Variants in ABCA4 observed in about 807,000 individuals in gnomAD.
ABCA4 encodes the protein retinal-specific phospholipid-transporting ATPase ABCA4.
A neutral mutation model predicts 263.7 loss-of-function variants in ABCA4; 196 were observed. The ratio of observed to expected loss-of-function variants is 0.74; its 90% CI spans 0.66 to 0.84. The LOEUF is 0.84. Ranked by LOEUF, ABCA4 falls within the 40% of genes least tolerant of loss-of-function variation. The pLI is 0.00. For synonymous variants in ABCA4, 1,133 were observed against 1,094.2 expected, an observed-to-expected ratio of 1.04 and a Z score of -0.70; for missense variants, 2,792 against 2,855.1, an observed-to-expected ratio of 0.98 and a Z score of 0.50.
chr1:94,012,223 C>T (rs1471528924), intron 38 of ABCA4, among the ~76,000 whole-genome samples: 5 of 152,204 alleles, frequency 3.3e-5, no homozygotes, highest in African/African-American at 4.8e-5. Context: ...CCCTGCCTAC[C>T]CTTTCTCCCC....
chr1:94,062,708 C>G lies in ABCA4; in HGVS notation c.1806G>C (p.Arg602=). The stretch of plus-strand genomic sequence containing the variant: ...GATAGGCAAACCCGCCCCAGATGTA[C>G]CGGAAATCTTCCACGGGATCAGCTC... ...GPRADPVEDF[R]YIWGGFAYLQ... The change falls in exon 13 of 50, where the codon CGG becomes CGC. Residue 602 remains arginine (R), a synonymous_variant. Coordinates refer to ENST00000370225, the MANE Select transcript of ABCA4 (RefSeq NM_000350.3). The G allele has an allele frequency of 6.2e-7, 1 of 1,614,132 alleles. No individual in the cohort carries two copies. The highest frequency in any genetic ancestry group is 8.5e-7 in the Non-Finnish European group (1 of 1,180,030).
intron 14 of ABCA4, among the ~76,000 whole-genome samples, chr1:94,057,136 C>T (rs1267581123): frequency 1.3e-5 from 2 of 152,172 alleles, no homozygotes; most frequent in East Asian, 1.9e-4. Flanking sequence ...CACAAACTGC[C>T]CACTAACCTG....
chr1:94,084,610 T>C (rs1205390754), intron 6 of ABCA4, among the ~76,000 whole-genome samples: 1 of 152,168 alleles, frequency 6.6e-6, no homozygotes, highest in African/African-American at 2.4e-5. Context: ...TTCAGGCTTA[T>C]TTTCTAATTG....
intron 16 of ABCA4, 122 bp from the exon 17 acceptor site, chr1:94,051,820 A>T (rs988553120): frequency 1.3e-6 from 1 of 769,932 alleles, no homozygotes; most frequent in Non-Finnish European, 2.3e-6. Context: ...AGATATTTGC[A>T]GTTATTATTA....
chr1:94,121,059 C>G lies in ABCA4; in HGVS notation c.-14G>C, dbSNP rs780350363. On this transcript the variant is annotated 5_prime_UTR_variant, in exon 1 of 50. Transcript: ENST00000370225. ...CACGAAGCCCATGCTAATGACCACA[C>G]GAAGACCAGATTGGTCAGAGCTGAG... 1.9e-6 allele frequency: 3 copies of G among 1,613,978 alleles called. No homozygotes were observed. The highest frequency in any genetic ancestry group is 2.5e-6 in the Non-Finnish European group (3 of 1,179,966).
chr1:94,021,501 G>C (rs1431298204), intron 34 of ABCA4, 92 bp from the exon 35 acceptor site: 1 of 1,568,654 alleles, frequency 6.4e-7, no homozygotes, highest in African/African-American at 1.4e-5. Context: ...AGCAGGAAGG[G>C]TTTGGTAGCT....
At chr1:94,063,341 A>T in intron 11 of ABCA4, 24 bp from the exon 12 acceptor site, 1 of 1,611,330 alleles carries the variant, frequency 6.2e-7, no homozygotes, top group Non-Finnish European at 8.5e-7. Flanking sequence ...CAAAGTTGAG[A>T]GAGTGTGAGG....
At chr1:94,112,044 G>C (rs1172510409) in intron 2 of ABCA4, among the ~76,000 whole-genome samples, 1 of 152,202 alleles carries the variant, frequency 6.6e-6, no homozygotes, top group Non-Finnish European at 1.5e-5. Flanking sequence ...ATGGACAGGA[G>C]GCTGATTCAG....
Position 94,032,025 on chromosome 1 carries a change from C to T in ABCA4, c.3881G>A (p.Arg1294Lys). The stretch of plus-strand genomic sequence containing the variant: ...GGGGTGTCGGGGGTTGACGTTTTCT[C>T]TTTTCTGCTGAGCGCCACCTGTTTT... ...PLFAGGAQQK[R>K]ENVNPRHPCL... is the part of the protein sequence containing the mutation. The change falls in exon 27 of 50, where the codon AGA becomes AAA. Residue 1294 changes from arginine to lysine, a missense_variant. Transcript: ENST00000370225. 1 of 1,612,528 alleles carries T rather than the reference C, an allele frequency of 6.2e-7. No individual in the cohort carries two copies.
chr1:94,028,768 G>A (rs1408297179), intron 30 of ABCA4, among the ~76,000 whole-genome samples: 1 of 151,736 alleles, frequency 6.6e-6, no homozygotes, highest in East Asian at 1.9e-4. Flanking sequence ...AAATTAGGCG[G>A]GCATGATGGT....
At chr1:94,047,593 G>T (rs1448263603) in intron 18 of ABCA4, among the ~76,000 whole-genome samples, 1 of 152,146 alleles carries the variant, frequency 6.6e-6, no homozygotes, top group Non-Finnish European at 1.5e-5. Context: ...AGCGGCTTAG[G>T]TTCTTCATCT....
At chr1:94,101,079 AG>A (rs1570424640) in intron 5 of ABCA4, among the ~76,000 whole-genome samples, 1 of 152,266 alleles carries the variant, frequency 6.6e-6, no homozygotes, top group African/African-American at 2.4e-5. Flanking sequence ...CATGAAATAA[AG>A]GCACAACCTG....
intron 30 of ABCA4, among the ~76,000 whole-genome samples, chr1:94,028,627 C>T (rs1431059853): frequency 6.6e-6 from 1 of 152,048 alleles, no homozygotes; most frequent in Non-Finnish European, 1.5e-5. Context: ...TAACTTTAGG[C>T]CAGGAGCAGT....
chr1:94,002,835 G>A (rs1465682399), intron 44 of ABCA4, among the ~76,000 whole-genome samples: 1 of 152,016 alleles, frequency 6.6e-6, no homozygotes, highest in Non-Finnish European at 1.5e-5. Context: ...ACTCTCTAAT[G>A]TACTGGATAT....
In ABCA4 at chr1:93,996,234, C is replaced by G. The variant is rs771397964; in HGVS notation, c.6730-39G>C. On this transcript the variant is annotated intron_variant, in intron 48 of 49. Coordinates refer to ENST00000370225, the MANE Select transcript of ABCA4 (RefSeq NM_000350.3). ...AAGAGCGAGATTAGGTAGATATTTC[C>G]AGGAAAACAGCACCCTACACCCACC... 12 of 1,489,538 alleles carry G rather than the reference C, an allele frequency of 8.1e-6. No homozygotes were observed. In the Admixed American group the frequency reaches 1.8e-4, roughly 23 times the overall value. The allele number at this position is 1,489,538 out of a possible 1,614,324, so 92.3% of individuals were successfully genotyped here. A position where few individuals can be genotyped will look rare whatever the true frequency, so the allele number is the denominator to read the frequency against.
rs542992874 is a variant in ABCA4 at position 94,055,319 on chromosome 1, C to A, written c.2383-4G>T. The A allele has an allele frequency of 1.2e-6, 2 of 1,613,788 alleles. No individual in the cohort carries two copies. Among genetic ancestry groups the A allele is most frequent in the East Asian group, 2.2e-5 (1 of 44,876 alleles). On this transcript the variant is annotated splice_region_variant and splice_polypyrimidine_tract_variant and intron_variant, in intron 15 of 49. Coordinates refer to ENST00000370225, the MANE Select transcript of ABCA4 (RefSeq NM_000350.3). ...ATGCCACCGGAGACAGTAAGCTCTG[C>A]AGTGAGGCGGAGAGGGCACAGAAAA... is the stretch of plus-strand genomic sequence containing the variant.
At chr1:94,039,285 C>T (rs150594265) in intron 24 of ABCA4, among the ~76,000 whole-genome samples, 278 of 152,272 alleles carry the variant, frequency 1.8e-3, no homozygotes, top group African/African-American at 6.0e-3. Flanking sequence ...AAATATTGCC[C>T]GGTTCTCTTG....
At chr1:94,032,492 C>T (rs1164076394) in intron 26 of ABCA4, among the ~76,000 whole-genome samples, 1 of 152,054 alleles carries the variant, frequency 6.6e-6, no homozygotes, top group Non-Finnish European at 1.5e-5. Flanking sequence ...AAAAATTAGC[C>T]AGGCATGGTG....
At chr1:94,065,777 A>T (rs1661253504) in intron 11 of ABCA4, among the ~76,000 whole-genome samples, 1 of 152,246 alleles carries the variant, frequency 6.6e-6, no homozygotes, top group Non-Finnish European at 1.5e-5. Context: ...ATGAGATATT[A>T]ATAATGATCT....
Sources: gnomAD v4.1 joint callset for allele counts (sites outside exome capture counted in the v4.1 genomes callset) on GRCh38, gnomAD v4.1.1 for gene constraint, MANE v1.5 for transcripts, NCBI Gene and HGNC (gene_info 2026-07-23, HGNC 2026-07-21) for gene names.